The following DPP10 variants were observed in gnomAD, a reference collection of about 807,000 sequenced individuals.
The protein encoded by DPP10 is inactive dipeptidyl peptidase 10.
In DPP10, 33 loss-of-function variants were observed where a neutral mutation model predicts 120.9. The ratio of observed to expected loss-of-function variants is 0.27; its 90% confidence interval spans 0.21 to 0.37. The LOEUF is 0.37. DPP10 is among the 10% of genes least tolerant of loss of function. The pLI is 1.00. For missense variants in DPP10, 816 were observed against 942.8 expected, an observed-to-expected ratio of 0.87 and a Z score of 1.76; for synonymous variants, 337 against 326.1, an observed-to-expected ratio of 1.03 and a Z score of -0.36.
intron 7 of DPP10, among the ~76,000 whole-genome samples, chr2:115,701,721 G>A (rs578203391): frequency 1.3e-5 from 2 of 152,028 alleles, no homozygotes; most frequent in Admixed American, 1.3e-4. Context: ...TAATATAGAG[G>A]AATAAAGTAT....
intron 3 of DPP10, among the ~76,000 whole-genome samples, chr2:115,441,134 A>G (rs561095402): frequency 2.6e-4 from 40 of 151,842 alleles, no homozygotes; most frequent in Middle Eastern, 3.4e-3. Context: ...AGGCATTTCA[A>G]TCTTAACGTC....
chr2:114,973,219 C>T (rs917111950), intron 1 of DPP10, among the ~76,000 whole-genome samples: 8 of 151,930 alleles, frequency 5.3e-5, no homozygotes, highest in Admixed American at 2.6e-4. Flanking sequence ...ATGCTGTAAA[C>T]GATCCTGCTG....
intron 1 of DPP10, among the ~76,000 whole-genome samples, chr2:114,497,302 CGTGT>C (rs1465898734): frequency 0.16 from 10,519 of 64,980 alleles, 1,125 homozygotes; most frequent in African/African-American, 0.3. Context: ...TACATGTATA[CGTGT>C]ATACATGTAC....
At chr2:115,409,087 T>A (rs924819311) in intron 3 of DPP10, among the ~76,000 whole-genome samples, 2 of 151,784 alleles carry the variant, frequency 1.3e-5, no homozygotes, top group African/African-American at 4.8e-5. Context: ...GACCAAGAAA[T>A]AATGAGAGAA....
At chr2:115,515,026 T>C (rs893619268) in intron 4 of DPP10, among the ~76,000 whole-genome samples, 1 of 151,920 alleles carries the variant, frequency 6.6e-6, no homozygotes, top group Non-Finnish European at 1.5e-5. Flanking sequence ...ACAGTACATA[T>C]GGTCTATACT....
intron 1 of DPP10, chr2:114,461,929 G>C: frequency 2.0e-6 from 2 of 985,420 alleles, no homozygotes; most frequent in Non-Finnish European, 2.4e-6. Flanking sequence ...TGGTATGCTG[G>C]TTAGGAGGTA....
chr2:114,520,441 C>G (rs1684959582), intron 1 of DPP10, among the ~76,000 whole-genome samples: 1 of 152,158 alleles, frequency 6.6e-6, no homozygotes, highest in African/African-American at 2.4e-5. Context: ...AATGCCACCA[C>G]TTTTGTCTGT....
intron 1 of DPP10, among the ~76,000 whole-genome samples, chr2:114,638,196 T>C (rs981334788): frequency 1.3e-5 from 2 of 151,858 alleles, no homozygotes; most frequent in Non-Finnish European, 2.9e-5. Context: ...ATCCTTCATC[T>C]CCTTGGTTAG....
At chr2:114,745,061 C>T (rs1453099773) in intron 1 of DPP10, among the ~76,000 whole-genome samples, 1 of 152,180 alleles carries the variant, frequency 6.6e-6, no homozygotes, top group East Asian at 1.9e-4. Context: ...TGCCTGGCCA[C>T]AATGCCTGCA....
intron 1 of DPP10, among the ~76,000 whole-genome samples, chr2:114,644,562 A>G (rs1695976111): frequency 6.6e-6 from 1 of 151,850 alleles, no homozygotes; most frequent in Non-Finnish European, 1.5e-5. Flanking sequence ...CCTTGGCCAT[A>G]TCAGAGTCTC....
intron 1 of DPP10, among the ~76,000 whole-genome samples, chr2:114,983,076 C>T (rs1195671500): frequency 5.9e-5 from 9 of 152,108 alleles, no homozygotes; most frequent in African/African-American, 1.2e-4. Flanking sequence ...AGAGCTAAGA[C>T]GCATTATAAC....
chr2:114,810,724 C>G (rs1039454823), intron 1 of DPP10, among the ~76,000 whole-genome samples: 1 of 152,140 alleles, frequency 6.6e-6, no homozygotes, highest in African/African-American at 2.4e-5. Flanking sequence ...CTGATACCCA[C>G]TTTGGGACTC....
At chr2:115,815,119 G>T in intron 20 of DPP10, 132 bp downstream of exon 20, 1 of 897,038 alleles carries the variant, frequency 1.1e-6, no homozygotes. Context: ...TAATCATAAA[G>T]CCTATTTCAT....
At chr2:115,593,621 A>G (rs2082809522) in intron 5 of DPP10, among the ~76,000 whole-genome samples, 1 of 152,238 alleles carries the variant, frequency 6.6e-6, no homozygotes, top group South Asian at 2.1e-4. Context: ...TAAAGAATTC[A>G]GAATTCAGAC....
chr2:114,453,403 C>T (rs1373994273), intron 1 of DPP10, among the ~76,000 whole-genome samples: 2 of 152,094 alleles, frequency 1.3e-5, no homozygotes, highest in African/African-American at 2.4e-5. Context: ...TTCTTTCCTT[C>T]ATTTCTTTTT....
chr2:115,672,327 T>C (rs1459050669), intron 5 of DPP10, among the ~76,000 whole-genome samples: 1 of 151,960 alleles, frequency 6.6e-6, no homozygotes, highest in Non-Finnish European at 1.5e-5. Context: ...AATACTCTAT[T>C]TTTTTTTCCT....
intron 1 of DPP10, among the ~76,000 whole-genome samples, chr2:115,200,775 A>G (rs1282613281): frequency 6.6e-6 from 1 of 152,148 alleles, no homozygotes; most frequent in Non-Finnish European, 1.5e-5. Flanking sequence ...TACTGTTTAT[A>G]CTTGTCTACT....
chr2:115,617,272 T>TATATATATATATA (rs58444943), intron 5 of DPP10, among the ~76,000 whole-genome samples: 41 of 135,858 alleles, frequency 3.0e-4, no homozygotes, highest in African/African-American at 9.1e-4. Context: ...TATATATTTT[T>TATATATATATATA]TATATATATA....
intron 1 of DPP10, among the ~76,000 whole-genome samples, chr2:114,530,429 A>G (rs1685869649): frequency 6.6e-6 from 1 of 152,188 alleles, no homozygotes. Flanking sequence ...GTAGCCTTCC[A>G]TGATTATTAT....
Sources: gnomAD v4.1 joint callset for allele counts (sites outside exome capture counted in the v4.1 genomes callset) on GRCh38, gnomAD v4.1.1 for gene constraint, MANE v1.5 for transcripts, NCBI Gene and HGNC (gene_info 2026-07-23, HGNC 2026-07-21) for gene names.